MLLT10: variants seen among roughly 807,000 people sequenced by gnomAD.
MLLT10 encodes the protein protein AF-10.
MLLT10 carries 30 observed loss-of-function variants against 129.1 expected under a neutral mutation model. The ratio of observed to expected loss-of-function variants is 0.23; its 90% confidence interval spans 0.17 to 0.32. The LOEUF (loss-of-function observed/expected upper bound fraction) is 0.32, where lower values mean the gene tolerates loss of function less well. MLLT10 is among the 10% of genes least tolerant of loss of function. The pLI is 1.00. For missense variants in MLLT10, 1,119 were observed against 1,268.3 expected (o/e 0.88, Z 1.79); for synonymous variants, 490 against 446.4 (o/e 1.10, Z -1.23).
chr10:21,619,314 G>T (rs1006206626), intron 8 of MLLT10, among the ~76,000 whole-genome samples: 9 of 152,126 alleles, frequency 5.9e-5, no homozygotes, highest in African/African-American at 2.2e-4. Flanking sequence ...GAAGAGGGAA[G>T]CCTCACTATT....
chr10:21,612,710 G>T (rs2044775488), intron 6 of MLLT10, among the ~76,000 whole-genome samples: 2 of 152,038 alleles, frequency 1.3e-5, no homozygotes, highest in Non-Finnish European at 2.9e-5. Context: ...TAAAATTTTG[G>T]TATTGATTAC....
intron 11 of MLLT10, among the ~76,000 whole-genome samples, chr10:21,679,776 T>C (rs1018544336): frequency 3.3e-5 from 5 of 152,180 alleles, no homozygotes; most frequent in Non-Finnish European, 5.9e-5. Flanking sequence ...GCATTATATA[T>C]ACTTACCAGG....
intron 5 of MLLT10, among the ~76,000 whole-genome samples, chr10:21,604,482 C>T (rs1245725716): frequency 1.3e-5 from 2 of 151,896 alleles, no homozygotes; most frequent in Admixed American, 6.6e-5. Context: ...CCCAGCTACT[C>T]GGGTGGCGGA....
intron 9 of MLLT10, among the ~76,000 whole-genome samples, chr10:21,653,575 C>G (rs897944175): frequency 6.6e-6 from 1 of 152,080 alleles, no homozygotes; most frequent in African/African-American, 2.4e-5. Flanking sequence ...CTGGAAAGTC[C>G]AAGATAACGT....
At chr10:21,688,491 A>G in intron 13 of MLLT10, 2 of 1,611,500 alleles carry the variant, frequency 1.2e-6, no homozygotes, top group South Asian at 1.1e-5. Context: ...TTTTCTTTAG[A>G]CAGAGGTGAC....
chr10:21,654,593 T>A (rs2049368785), intron 9 of MLLT10, among the ~76,000 whole-genome samples: 1 of 152,240 alleles, frequency 6.6e-6, no homozygotes, highest in African/African-American at 2.4e-5. Flanking sequence ...CTATGATTTC[T>A]GGGTAGTCAC....
Position 21,602,501 on chromosome 10 carries a change from A to G in MLLT10, c.405+7061A>G, listed in dbSNP as rs144545070. Among the ~76,000 whole-genome samples the G allele has an allele frequency of 3.3e-3, 505 of 152,340 alleles. 2 individuals carry two copies. Among genetic ancestry groups the G allele is most frequent in the African/African-American group, 0.012 (487 of 41,584 alleles). ...CACCTCTTCCCCACAGTGATGAAGAAACAAAGGAATGCATGTTAGTTGCAA... is the reference window on the plus strand; with the variant it reads ...CACCTCTTCCCCACAGTGATGAAGAGACAAAGGAATGCATGTTAGTTGCAA... On this transcript the variant is annotated intron_variant, in intron 5 of 22. Coordinates refer to ENST00000307729, the MANE Select transcript of MLLT10 (RefSeq NM_001195626.3).
intron 7 of MLLT10, among the ~76,000 whole-genome samples, chr10:21,616,124 C>T (rs982549604): frequency 6.6e-6 from 1 of 151,894 alleles, no homozygotes; most frequent in African/African-American, 2.4e-5. Context: ...TCTGTGTATC[C>T]TTTGATGCTG....
chr10:21,687,471 G>A (rs2053417994), intron 13 of MLLT10, among the ~76,000 whole-genome samples: 2 of 152,206 alleles, frequency 1.3e-5, no homozygotes, highest in African/African-American at 4.8e-5. Flanking sequence ...ACTGTGAGCA[G>A]TATGGAGATT....
In MLLT10 at chr10:21,670,716, G is replaced by A. The variant is rs2051306584; in HGVS notation, c.1051+12G>A. The stretch of plus-strand genomic sequence containing the variant: ...CCCTTTTCCTCAAGGTATTAGTGAT[G>A]TTTTAGTTAAAATACTTGTGTTTAA... On this transcript the variant is annotated intron_variant, in intron 10 of 22. Coordinates refer to ENST00000307729, the MANE Select transcript of MLLT10 (RefSeq NM_001195626.3). 5 of 1,600,414 alleles carry A rather than the reference G, an allele frequency of 3.1e-6. No homozygotes were observed. Among genetic ancestry groups the A allele is most frequent in the Non-Finnish European group, 4.3e-6 (5 of 1,175,038 alleles).
At chr10:21,598,974 T>C (rs1364543462) in intron 5 of MLLT10, among the ~76,000 whole-genome samples, 1 of 151,156 alleles carries the variant, frequency 6.6e-6, no homozygotes, top group Non-Finnish European at 1.5e-5. Context: ...GGTCAGGAGT[T>C]CAAGACCAGC....
chr10:21,674,174 A>G (rs1037114897), intron 11 of MLLT10, among the ~76,000 whole-genome samples: 4 of 152,096 alleles, frequency 2.6e-5, no homozygotes, highest in Non-Finnish European at 4.4e-5. Context: ...TAAACAATCT[A>G]TTGGTCATTC....
intron 9 of MLLT10, among the ~76,000 whole-genome samples, chr10:21,655,971 G>C (rs1325227662): frequency 6.6e-6 from 1 of 152,194 alleles, no homozygotes; most frequent in Non-Finnish European, 1.5e-5. Flanking sequence ...TCACAACCGT[G>C]TAGGGATGAG....
chr10:21,665,946 A>T (rs181772106), intron 9 of MLLT10, among the ~76,000 whole-genome samples: 1 of 151,864 alleles, frequency 6.6e-6, no homozygotes, highest in Admixed American at 6.6e-5. Flanking sequence ...ACCTTAGTCG[A>T]TCTGCCTGAC....
intron 13 of MLLT10, among the ~76,000 whole-genome samples, chr10:21,713,138 C>T (rs1389268695): frequency 6.6e-6 from 1 of 152,152 alleles, no homozygotes; most frequent in Non-Finnish European, 1.5e-5. Flanking sequence ...ATGTCTTAAT[C>T]GTTCCTCCTC....
chr10:21,671,193 A>G (rs1037959259), intron 10 of MLLT10, among the ~76,000 whole-genome samples: 19 of 151,876 alleles, frequency 1.3e-4, no homozygotes, highest in African/African-American at 4.1e-4. Context: ...CAGTTTTTGT[A>G]TTTTAGTAGA....
In MLLT10 at chr10:21,575,178, CTTATTTTATTTTATT is replaced by C. The variant is rs770106739; in HGVS notation, c.241-11097_241-11083del. 3.8e-3 allele frequency among the ~76,000 whole-genome samples: 583 copies of C among 151,704 alleles called. 5 individuals are homozygous for C. Among genetic ancestry groups the C allele is most frequent in the African/African-American group, 0.013 (545 of 41,332 alleles). On this transcript the variant is annotated intron_variant, in intron 3 of 22. Coordinates refer to ENST00000307729, the MANE Select transcript of MLLT10 (RefSeq NM_001195626.3). ...TATAGGTTCTTTAGGTAGAACCCTACTTATTTTATTTTATTTTATTTTATTTTATTTTAGACAGAG... is the reference window on the plus strand; with the variant it reads ...TATAGGTTCTTTAGGTAGAACCCTACTTATTTTATTTTATTTTAGACAGAG...
In MLLT10 at chr10:21,725,645, C is replaced by G. The variant is rs1319603400; in HGVS notation, c.1879-599C>G. On this transcript the variant is annotated intron_variant, in intron 14 of 22. Transcript: ENST00000307729. ...AGTCTGAGGCAGAATTGCTTGAACC[C>G]TAGAGGCGGAGGTTGCAGTGAGCCG... Among the ~76,000 whole-genome samples, 10 of 147,224 alleles carry G rather than the reference C, an allele frequency of 6.8e-5. No homozygotes were observed. In the South Asian group the frequency reaches 1.1e-3, roughly 16 times the overall value.
intron 8 of MLLT10, among the ~76,000 whole-genome samples, chr10:21,626,751 G>A (rs2046489885): frequency 6.6e-6 from 1 of 152,118 alleles, no homozygotes; most frequent in Admixed American, 6.6e-5. Context: ...CTTTGTCTTT[G>A]TAAAAGTTTT....
Sources: allele counts gnomAD v4.1 joint callset (sites outside exome capture counted in the v4.1 genomes callset), GRCh38; gene constraint gnomAD v4.1.1; transcripts MANE v1.5; gene names NCBI Gene and HGNC (gene_info 2026-07-23, HGNC 2026-07-21).